Variants in COL5A3 observed in about 807,000 individuals in gnomAD.
COL5A3 encodes the protein collagen type V alpha 3 chain.
In COL5A3, 172 loss-of-function variants were observed where a neutral mutation model predicts 250.0. The ratio of observed to expected loss-of-function variants is 0.69; its 90% CI spans 0.61 to 0.78. The LOEUF (loss-of-function observed/expected upper bound fraction) is 0.78, where lower values mean the gene tolerates loss of function less well. Ranked by LOEUF, COL5A3 falls within the 30% of genes least tolerant of loss-of-function variation. The pLI is 0.00. For missense variants in COL5A3, 2,340 were observed against 2,334.4 expected, an observed-to-expected ratio of 1.00 and a Z score of -0.05; for synonymous variants, 937 against 900.4, an observed-to-expected ratio of 1.04 and a Z score of -0.73.
At chr19:9,995,707 T>A in intron 15 of COL5A3, 90 bp from the exon 16 acceptor site, 1 of 984,884 alleles carries the variant, frequency 1.0e-6, no homozygotes, top group Non-Finnish European at 1.5e-6. Flanking sequence ...AGATGGGGTC[T>A]TGCTGTATTG....
chr19:9,990,799 G>A (rs180840629), intron 24 of COL5A3, among the ~76,000 whole-genome samples: 3,086 of 152,176 alleles, frequency 0.02, 61 homozygotes, highest in South Asian at 0.053. Context: ...TCCTGACCTC[G>A]TGATCCCCCC....
intron 19 of COL5A3, 69 bp downstream of exon 19, chr19:9,993,311 C>T: frequency 1.3e-6 from 2 of 1,546,358 alleles, no homozygotes; most frequent in Non-Finnish European, 8.9e-7. Flanking sequence ...CCAGATCTTC[C>T]TCTCTGATTC....
Position 9,986,046 on chromosome 19 carries a change from G to A in COL5A3, c.2353-151C>T, listed in dbSNP as rs188724752. 5.2e-5 allele frequency: 38 copies of A among 735,350 alleles called. No homozygotes were observed. In the East Asian group the frequency reaches 8.7e-4, roughly 17 times the overall value. The allele number at this position is 735,350 out of a possible 1,614,324, so 45.6% of individuals were successfully genotyped here. On this transcript the variant is annotated intron_variant, in intron 30 of 66. Transcript: ENST00000264828. ...CCTTGCTCCTGCCTGCTAGGGGCAT[G>A]TCCTTGGGCAGGTCATTCAGCCATT...
At chr19:9,979,925 A>G in intron 36 of COL5A3, 33 bp from the exon 37 acceptor site, 1 of 1,571,774 alleles carries the variant, frequency 6.4e-7, no homozygotes, top group Non-Finnish European at 8.6e-7. Flanking sequence ...GTTGGGGCAC[A>G]GATACAGGGC....
Position 9,989,511 on chromosome 19 carries a change from T to C in COL5A3, c.2004A>G (p.Gly668=), listed in dbSNP as rs752110442. The change falls in exon 25 of 67, where the codon GGA becomes GGG. Residue 668 remains glycine, a synonymous_variant. Coordinates refer to ENST00000264828, the MANE Select transcript of COL5A3 (RefSeq NM_015719.4). ...IGTPGEKGPP[G]NPGIPGLPGS... is the part of the protein sequence containing the mutation. ...CTGGGAGGCCTGGAATTCCTGGGTT[T>C]CCAGGGGGACCCTGAAAGAAGATGA... is the stretch of plus-strand genomic sequence containing the variant. 6.2e-7 allele frequency: 1 copy of C among 1,612,450 alleles called. No individual in the cohort carries two copies.
intron 24 of COL5A3, among the ~76,000 whole-genome samples, chr19:9,990,318 C>T (rs902254567): frequency 1.4e-4 from 20 of 144,838 alleles, no homozygotes; most frequent in African/African-American, 4.7e-4. Context: ...CACTTGAACC[C>T]GGGAGGTGGA....
chr19:9,962,703 G>C (rs1181185262), intron 65 of COL5A3, 116 bp downstream of exon 65: 1 of 724,552 alleles, frequency 1.4e-6, no homozygotes, highest in Non-Finnish European at 2.3e-6. Context: ...CGATCCCTAG[G>C]AAGGTAGAGG....
chr19:9,972,617 C>A (rs9749007), intron 51 of COL5A3, among the ~76,000 whole-genome samples: 2 of 151,648 alleles, frequency 1.3e-5, no homozygotes, highest in Non-Finnish European at 2.9e-5. Context: ...GCATGCTGAT[C>A]ACGAGGTCAG....
At position 9,969,930 on chromosome 19, in the gene COL5A3, G is replaced by A; in HGVS notation, c.3937-8C>T. 2.5e-6 allele frequency: 4 copies of A among 1,578,892 alleles called. No homozygotes were observed. The highest frequency in any genetic ancestry group is 1.6e-5 in the African/African-American group (1 of 62,258). On this transcript the variant is annotated splice_polypyrimidine_tract_variant and splice_region_variant and intron_variant, in intron 54 of 66. Coordinates refer to ENST00000264828, the MANE Select transcript of COL5A3 (RefSeq NM_015719.4). ...CATGTGGCCTGAAGGACCCTTGGAA[G>A]GGAAAGACAGTGAGGGGGGTCTAGG...
intron 27 of COL5A3, among the ~76,000 whole-genome samples, chr19:9,988,682 T>G (rs2087135262): frequency 6.6e-6 from 1 of 150,904 alleles, no homozygotes. Flanking sequence ...AATACAAAAA[T>G]TACCCAGGAG....
rs151045767 is a variant in COL5A3, at chr19:10,003,928, G to A, written c.699+113C>T. 566 of 1,054,432 alleles carry A rather than the reference G, an allele frequency of 5.4e-4. 3 individuals carry two copies. In the African/African-American group the frequency reaches 7.3e-3, roughly 14 times the overall value. The allele number at this position is 1,054,432 out of a possible 1,614,324, so 65.3% of individuals were successfully genotyped here. ...ATGCCTGGGATGTGTTGGAGGTCAC[G>A]GGTCACTTAACCCCATGTCTGGGGG... On this transcript the variant is annotated intron_variant, in intron 5 of 66. Coordinates refer to ENST00000264828, the MANE Select transcript of COL5A3 (RefSeq NM_015719.4).
intron 8 of COL5A3, among the ~76,000 whole-genome samples, chr19:9,999,821 T>C (rs2087331957): frequency 6.6e-6 from 1 of 152,122 alleles, no homozygotes; most frequent in Admixed American, 6.6e-5. Context: ...CGGGCTGCAG[T>C]GCAGTGGTGT....
rs369808608 is a variant in COL5A3 at position 9,979,173 on chromosome 19, C to T, written c.2833G>A (p.Glu945Lys). Reference sequence around the variant, plus strand: ...CCTTCCAGGCCAGGAAGACCTTGTTCACCAGGAGGTCCAGGGGGGCCTGGA... The same window carrying T: ...CCTTCCAGGCCAGGAAGACCTTGTTTACCAGGAGGTCCAGGGGGGCCTGGA... The part of the protein sequence containing the change: ...GPPGPPGPPG[E>K]QGLPGLEGRE... Residue 945 changes from glutamate to lysine, a missense_variant, in exon 39 of 67, where the codon GAA becomes AAA. Glu to Lys is a moderately conservative substitution (Grantham distance 56). Transcript: ENST00000264828. 2 of 1,601,018 alleles carry T rather than the reference C, an allele frequency of 1.2e-6. No homozygotes were observed. The highest frequency in any genetic ancestry group is 2.7e-5 in the African/African-American group (2 of 73,700).
chr19:9,971,351 T>C (rs1325588474), intron 51 of COL5A3, 93 bp from the exon 52 acceptor site: 1 of 986,614 alleles, frequency 1.0e-6, no homozygotes, highest in Non-Finnish European at 1.5e-6. Flanking sequence ...AACAGTTTGG[T>C]TTCTGGGGAC....
intron 54 of COL5A3, among the ~76,000 whole-genome samples, chr19:9,970,400 G>GAA (rs2086822358): frequency 2.0e-5 from 2 of 97,736 alleles, no homozygotes; most frequent in Non-Finnish European, 4.7e-5. Context: ...GGTGAGTGGG[G>GAA]TCTGTGGGGT....
At position 9,974,282 on chromosome 19, in the gene COL5A3, C is replaced by T. The variant is rs763768185; in HGVS notation, c.3450+19G>A. 6.2e-7 allele frequency: 1 copy of T among 1,610,200 alleles called. No individual in the cohort carries two copies. Among genetic ancestry groups the T allele is most frequent in the South Asian group, 1.1e-5 (1 of 90,386 alleles). On this transcript the variant is annotated intron_variant, in intron 46 of 66. Coordinates refer to ENST00000264828, the MANE Select transcript of COL5A3 (RefSeq NM_015719.4). ...GGTAGGGAGAATCAGAAGTGCCACC[C>T]CCAAACCCAGACACCCACCTGCAGT... is the stretch of plus-strand genomic sequence containing the variant.
intron 27 of COL5A3, among the ~76,000 whole-genome samples, chr19:9,988,007 G>T (rs1157986153): frequency 6.6e-6 from 1 of 152,154 alleles, no homozygotes; most frequent in Non-Finnish European, 1.5e-5. Context: ...GGCCGAGGCG[G>T]CCGGATCACC....
At chr19:10,006,547 G>A (rs974297655) in intron 1 of COL5A3, among the ~76,000 whole-genome samples, 2 of 152,068 alleles carry the variant, frequency 1.3e-5, no homozygotes, top group South Asian at 2.1e-4. Context: ...AGAGTGGAAC[G>A]GTCCCCCTCT....
intron 65 of COL5A3, among the ~76,000 whole-genome samples, chr19:9,962,510 C>A (rs36034490): frequency 0.023 from 3,456 of 152,256 alleles, 85 homozygotes; most frequent in Non-Finnish European, 0.033. Context: ...AGCTTGCTAA[C>A]ACAGTGCATT....
Sources: allele counts gnomAD v4.1 joint callset (sites outside exome capture counted in the v4.1 genomes callset), GRCh38; gene constraint gnomAD v4.1.1; transcripts MANE v1.5; gene names NCBI Gene and HGNC (gene_info 2026-07-23, HGNC 2026-07-21).